The following MAST2 variants were observed in gnomAD, a reference collection of about 807,000 sequenced individuals.
MAST2 encodes the protein microtubule-associated serine/threonine-protein kinase 2.
In MAST2, 70 loss-of-function variants were observed where a neutral mutation model predicts 147.4. The observed-to-expected ratio is 0.47, with a 90% CI of 0.39 to 0.58. The LOEUF is 0.58. Among genes scored for constraint, MAST2 ranks in the 20% least tolerant of loss-of-function variants. The probability of loss-of-function intolerance (pLI) is 0.00; values close to 1 mark genes in which losing one functional copy is unlikely to be tolerated. For synonymous variants in MAST2, 869 were observed against 896.8 expected (o/e 0.97, Z 0.55); for missense variants, 2,080 against 2,302.3 (o/e 0.90, Z 1.98).
intron 4 of MAST2, among the ~76,000 whole-genome samples, chr1:45,885,577 T>G (rs1482740138): frequency 6.6e-6 from 1 of 152,162 alleles, no homozygotes; most frequent in Non-Finnish European, 1.5e-5. Flanking sequence ...GCATAAAAAT[T>G]AACAGCTTGG....
At chr1:46,021,506 T>C (rs1266117452) in intron 11 of MAST2, among the ~76,000 whole-genome samples, 2 of 152,234 alleles carry the variant, frequency 1.3e-5, no homozygotes, top group Non-Finnish European at 2.9e-5. Context: ...TTCCAGCCTC[T>C]AGCACATAGG....
chr1:46,007,000 A>G (rs1645514681), intron 8 of MAST2, among the ~76,000 whole-genome samples: 1 of 152,206 alleles, frequency 6.6e-6, no homozygotes, highest in Non-Finnish European at 1.5e-5. Context: ...CCATTTGAAT[A>G]TGTCTTTATT....
intron 10 of MAST2, among the ~76,000 whole-genome samples, chr1:46,016,872 T>G (rs1235377783): frequency 6.6e-6 from 1 of 152,072 alleles, no homozygotes; most frequent in Non-Finnish European, 1.5e-5. Context: ...GCCAAGTCAA[T>G]CCTAAGCCAA....
intron 4 of MAST2, among the ~76,000 whole-genome samples, chr1:45,954,300 G>A (rs1659353311): frequency 6.6e-6 from 1 of 152,172 alleles, no homozygotes; most frequent in South Asian, 2.1e-4. Flanking sequence ...GTGCCTGCTA[G>A]TTGCTGGAGG....
In MAST2 at chr1:46,035,671, G is replaced by A. The variant is rs1200744688; in HGVS notation, c.5002G>A (p.Ala1668Thr). ...ATCCCTTATTGAGGGCCCAGACAGG[G>A]CATCCCCAAGCAGAAAGGCAACCAT... ...WKSLIEGPDR[A>T]SPSRKATMAG... Residue 1668 changes from alanine to threonine, a missense_variant, in exon 29 of 29, where the codon GCA (alanine) becomes ACA (threonine). This residue lies in a region of MAST2 where 1,278 missense variants were observed against 1,304.2 expected (regional missense o/e 0.98). Transcript: ENST00000361297. This position sits in a 1 kb window ranked among gnomAD's most constrained non-coding sequence, Gnocchi z 5.5. The A allele has an allele frequency of 6.2e-7, 1 of 1,613,918 alleles. No individual in the cohort carries two copies. Among genetic ancestry groups the A allele is most frequent in the Non-Finnish European group, 8.5e-7 (1 of 1,180,016 alleles).
chr1:45,930,391 T>TTTTG (rs1553235602), intron 4 of MAST2, among the ~76,000 whole-genome samples: 10 of 147,164 alleles, frequency 6.8e-5, no homozygotes, highest in East Asian at 2.0e-4. Context: ...TTTTTTGTTT[T>TTTTG]TTTTGTTTTG....
chr1:45,814,227 G>T (rs1167583708), intron 1 of MAST2, among the ~76,000 whole-genome samples: 1 of 151,808 alleles, frequency 6.6e-6, no homozygotes, highest in African/African-American at 2.4e-5. Flanking sequence ...AAAAAAAAAA[G>T]TTAACTGTAA....
chr1:45,965,018 G>C (rs1425004560), intron 5 of MAST2, among the ~76,000 whole-genome samples: 2 of 152,182 alleles, frequency 1.3e-5, no homozygotes, highest in Non-Finnish European at 2.9e-5. Context: ...TTTCCATGTA[G>C]TTGGGCGATT....
chr1:45,930,035 A>G (rs1342272015), intron 4 of MAST2, among the ~76,000 whole-genome samples: 1 of 152,196 alleles, frequency 6.6e-6, no homozygotes, highest in African/African-American at 2.4e-5. Flanking sequence ...GAGCTAAAAA[A>G]TGGTATCTCA....
chr1:45,973,200 G>C (rs976483892), intron 5 of MAST2, among the ~76,000 whole-genome samples: 1 of 151,502 alleles, frequency 6.6e-6, no homozygotes, highest in Non-Finnish European at 1.5e-5. Flanking sequence ...TGGTGGTTTC[G>C]ATACACCCGT....
At position 46,033,952 on chromosome 1, in the gene MAST2, A is replaced by G. The variant is rs1476044919; in HGVS notation, c.3674+14A>G. On this transcript the variant is annotated intron_variant, in intron 27 of 28. Transcript: ENST00000361297. Reference sequence around the variant, plus strand: ...TGGGCAAGAAAGGTGAGCCAGGCGCAGTGAAGAGGGTTTTCTCTGAGCCAC... The same window carrying G: ...TGGGCAAGAAAGGTGAGCCAGGCGCGGTGAAGAGGGTTTTCTCTGAGCCAC... The G allele has an allele frequency of 1.2e-6, 2 of 1,613,822 alleles. No individual in the cohort carries two copies. Among genetic ancestry groups the G allele is most frequent in the Non-Finnish European group, 1.7e-6 (2 of 1,179,744 alleles).
chr1:45,904,546 C>T (rs1650337327), intron 4 of MAST2, among the ~76,000 whole-genome samples: 1 of 151,892 alleles, frequency 6.6e-6, no homozygotes, highest in African/African-American at 2.4e-5. Context: ...CAGCTCACTG[C>T]AGCCTTGAAC....
At chr1:45,853,441 A>G (rs1002147217) in intron 3 of MAST2, among the ~76,000 whole-genome samples, 1 of 151,268 alleles carries the variant, frequency 6.6e-6, no homozygotes, top group African/African-American at 2.4e-5. Context: ...GGCAACCTCT[A>G]CCTCCTGGGT....
intron 5 of MAST2, among the ~76,000 whole-genome samples, chr1:45,983,895 A>G (rs1410377946): frequency 1.3e-5 from 2 of 152,224 alleles, no homozygotes; most frequent in African/African-American, 2.4e-5. Context: ...GTGATATTTT[A>G]TCATTGAGTG....
At chr1:45,941,085 A>G (rs1008282478) in intron 4 of MAST2, among the ~76,000 whole-genome samples, 1 of 152,156 alleles carries the variant, frequency 6.6e-6, no homozygotes, top group African/African-American at 2.4e-5. Context: ...AGCTTGCAGT[A>G]TAATTTCTGG....
chr1:45,898,746 C>T (rs1292391248), intron 4 of MAST2, among the ~76,000 whole-genome samples: 1 of 152,180 alleles, frequency 6.6e-6, no homozygotes, highest in Admixed American at 6.5e-5. Flanking sequence ...TTCTTTCTGG[C>T]ATTTTGTACC....
In MAST2 at chr1:46,030,803, C is replaced by G. The variant is rs761516735; in HGVS notation, c.2708+42C>G. The G allele has an allele frequency of 5.9e-6, 9 of 1,526,284 alleles. No individual in the cohort carries two copies. The African/African-American group carries it at 9.7e-5, about 16-fold the overall frequency. 94.5% of individuals were successfully genotyped at this position (1,526,284 alleles called of 1,614,324 possible). On this transcript the variant is annotated intron_variant, in intron 22 of 28. Transcript: ENST00000361297. ...CACCCAGGGTGGGCGACACAGCTATCCCTGCATTGTCACAGATCATGGGAG... is the reference window on the plus strand; with the variant it reads ...CACCCAGGGTGGGCGACACAGCTATGCCTGCATTGTCACAGATCATGGGAG...
chr1:46,010,110 A>G (rs1218303737), intron 9 of MAST2, among the ~76,000 whole-genome samples: 2 of 152,178 alleles, frequency 1.3e-5, no homozygotes, highest in Non-Finnish European at 2.9e-5. Context: ...CAGCTCTCCA[A>G]GCACCTGCCT....
chr1:45,899,718 C>T (rs1649416676), intron 4 of MAST2, among the ~76,000 whole-genome samples: 1 of 151,770 alleles, frequency 6.6e-6, no homozygotes, highest in South Asian at 2.1e-4. Context: ...ATGGTGGGCA[C>T]CTAGGTTGAT....
Sources: allele counts gnomAD v4.1 joint callset (sites outside exome capture counted in the v4.1 genomes callset), GRCh38; gene constraint gnomAD v4.1.1; regional missense constraint gnomAD v4.1.1; non-coding constraint Gnocchi (gnomAD v3.1); transcripts MANE v1.5; gene names NCBI Gene and HGNC (gene_info 2026-07-23, HGNC 2026-07-21).